DIP2B: variants seen among roughly 807,000 people sequenced by gnomAD.
DIP2B encodes DIP2 acetate--CoA ligase B (putative).
Under a neutral mutation model 198.0 loss-of-function variants are expected in DIP2B, and 76 were observed. The ratio of observed to expected loss-of-function variants is 0.38; its 90% CI spans 0.32 to 0.46. The LOEUF is 0.46. Among genes scored for constraint, DIP2B ranks in the 20% least tolerant of loss-of-function variants. The pLI is 0.99. For synonymous variants in DIP2B, 701 were observed against 739.1 expected (o/e 0.95, Z 0.84); for missense variants, 1,559 against 1,978.4 (o/e 0.79, Z 4.02).
At chr12:50,626,976 C>G (rs1937947932) in intron 2 of DIP2B, among the ~76,000 whole-genome samples, 1 of 151,978 alleles carries the variant, frequency 6.6e-6, no homozygotes. Flanking sequence ...TTGGAAATAC[C>G]TTCATAGAGA....
At chr12:50,587,434 T>C (rs1435174211) in intron 1 of DIP2B, among the ~76,000 whole-genome samples, 1 of 152,202 alleles carries the variant, frequency 6.6e-6, no homozygotes, top group Non-Finnish European at 1.5e-5. Context: ...TTCCTTGTTT[T>C]TGGATACCTG....
intron 28 of DIP2B, 116 bp downstream of exon 28, chr12:50,725,002 A>G (rs1354097039): frequency 1.0e-6 from 1 of 996,884 alleles, no homozygotes; most frequent in Non-Finnish European, 1.5e-6. Flanking sequence ...GCCTGCTAAG[A>G]CAGAGGCAAA....
intron 22 of DIP2B, among the ~76,000 whole-genome samples, chr12:50,711,063 A>G (rs918696481): frequency 1.3e-5 from 2 of 152,192 alleles, no homozygotes; most frequent in Non-Finnish European, 2.9e-5. Flanking sequence ...ATCTCCCAAG[A>G]TATTTGCTAC....
At chr12:50,611,483 T>C (rs1959031584) in intron 1 of DIP2B, among the ~76,000 whole-genome samples, 1 of 152,198 alleles carries the variant, frequency 6.6e-6, no homozygotes, top group South Asian at 2.1e-4. Context: ...GTGGGTTGTT[T>C]TTATTTAATC....
chr12:50,706,437 A>T (rs1592136488), intron 20 of DIP2B, 101 bp from the exon 21 acceptor site: 1 of 1,399,186 alleles, frequency 7.1e-7, no homozygotes. Context: ...TTGTGTTTTT[A>T]ATACTTTTTA....
At chr12:50,709,772 G>A (rs1160123494) in intron 22 of DIP2B, among the ~76,000 whole-genome samples, 1 of 152,060 alleles carries the variant, frequency 6.6e-6, no homozygotes, top group African/African-American at 2.4e-5. Flanking sequence ...CTACAGTTCA[G>A]CCTGGGTGAC....
At chr12:50,516,532 CTG>C (rs1275838626) in intron 1 of DIP2B, among the ~76,000 whole-genome samples, 3 of 152,082 alleles carry the variant, frequency 2.0e-5, no homozygotes, top group East Asian at 3.9e-4. Context: ...GAGATTATGA[CTG>C]TGAGCCACTG....
chr12:50,611,960 A>G (rs1432203522), intron 1 of DIP2B, among the ~76,000 whole-genome samples: 3 of 152,016 alleles, frequency 2.0e-5, no homozygotes, highest in Non-Finnish European at 4.4e-5. Context: ...GGACTTTAAG[A>G]AGCCAAGGCA....
At chr12:50,700,764 A>G (rs1939403289) in intron 19 of DIP2B, among the ~76,000 whole-genome samples, 1 of 152,246 alleles carries the variant, frequency 6.6e-6, no homozygotes, top group South Asian at 2.1e-4. Context: ...GTGGGCATTC[A>G]TAAGCTCTTC....
chr12:50,692,962 A>G lies in DIP2B; in HGVS notation c.1668A>G (p.Val556=). Residue 556 remains valine, a synonymous_variant, in exon 14 of 38, where the codon GTA becomes GTG. Transcript: ENST00000301180. The stretch of plus-strand genomic sequence containing the variant: ...TTTCTATTTTAGGGGAAACAATAGT[A>G]AATGTCTTAGACTTTAAGAAGGATG... The part of the protein sequence containing the change: ...ACNYSEGETI[V]NVLDFKKDAG... 1 of 1,610,162 alleles carries G rather than the reference A, an allele frequency of 6.2e-7. No individual in the cohort carries two copies. Among genetic ancestry groups the G allele is most frequent in the Non-Finnish European group, 8.5e-7 (1 of 1,179,086 alleles).
intron 22 of DIP2B, among the ~76,000 whole-genome samples, chr12:50,711,330 C>T (rs1015484779): frequency 1.3e-5 from 2 of 152,178 alleles, no homozygotes; most frequent in African/African-American, 4.8e-5. Context: ...TAACTCAGCA[C>T]TTTCTAAGGA....
chr12:50,743,606 T>G (rs1211819430), intron 37 of DIP2B: 1 of 152,230 alleles, frequency 6.6e-6, no homozygotes, highest in Admixed American at 6.5e-5. Context: ...AATTGATTGT[T>G]AATAGTCAAT....
At chr12:50,632,946 A>T (rs1593672256) in intron 2 of DIP2B, among the ~76,000 whole-genome samples, 1 of 135,568 alleles carries the variant, frequency 7.4e-6, no homozygotes, top group Admixed American at 7.0e-5. Flanking sequence ...TTTTTTTCTT[A>T]AAAAAAAAAA....
chr12:50,730,785 C>T (rs1940028787), intron 30 of DIP2B, among the ~76,000 whole-genome samples: 1 of 152,018 alleles, frequency 6.6e-6, no homozygotes, highest in Admixed American at 6.6e-5. Context: ...CACTACCGTC[C>T]CCACTTCTTC....
chr12:50,621,765 G>T (rs908349515), intron 1 of DIP2B, among the ~76,000 whole-genome samples: 1 of 152,166 alleles, frequency 6.6e-6, no homozygotes, highest in Non-Finnish European at 1.5e-5. Flanking sequence ...GTCAGAAAAC[G>T]GGGAGGGGGA....
chr12:50,633,799 A>G (rs1449874480), intron 2 of DIP2B, among the ~76,000 whole-genome samples: 1 of 152,082 alleles, frequency 6.6e-6, no homozygotes, highest in African/African-American at 2.4e-5. Flanking sequence ...ATTCAGTAGC[A>G]TCATAGGGAT....
At chr12:50,610,548 C>T (rs1418341876) in intron 1 of DIP2B, among the ~76,000 whole-genome samples, 2 of 151,880 alleles carry the variant, frequency 1.3e-5, no homozygotes, top group Non-Finnish European at 2.9e-5. Flanking sequence ...TCTGTACATC[C>T]AGGCTAGAGT....
intron 1 of DIP2B, among the ~76,000 whole-genome samples, chr12:50,563,533 T>C (rs909974212): frequency 1.8e-4 from 26 of 144,082 alleles, no homozygotes; most frequent in Non-Finnish European, 3.9e-4. Flanking sequence ...GCTCTATTGC[T>C]CAGGCTGAGT....
At chr12:50,529,086 T>C (rs1246111062) in intron 1 of DIP2B, among the ~76,000 whole-genome samples, 2 of 152,178 alleles carry the variant, frequency 1.3e-5, no homozygotes, top group African/African-American at 4.8e-5. Context: ...GACATGGCAG[T>C]ACTTTCTTAT....
Sources: allele counts gnomAD v4.1 joint callset (sites outside exome capture counted in the v4.1 genomes callset), GRCh38; gene constraint gnomAD v4.1.1; transcripts MANE v1.5; gene names NCBI Gene and HGNC (gene_info 2026-07-23, HGNC 2026-07-21).